TENM4: variants seen among roughly 807,000 people sequenced by gnomAD.
TENM4 encodes teneurin transmembrane protein 4.
Under a neutral mutation model 243.3 loss-of-function variants are expected in TENM4, and 82 were observed. The observed-to-expected ratio is 0.34, with a 90% CI of 0.28 to 0.40. The LOEUF is 0.40. Among genes scored for constraint, TENM4 ranks in the 10% least tolerant of loss-of-function variants. TENM4 has a pLI of 1.00. For synonymous variants in TENM4, 1,412 were observed against 1,456.3 expected (o/e 0.97, Z 0.69); for missense variants, 3,138 against 3,673.3 (o/e 0.85, Z 3.77).
chr11:79,170,261 T>C, intron 3 of TENM4, among the ~76,000 whole-genome samples: 1 of 152,210 alleles, frequency 6.6e-6, no homozygotes, highest in East Asian at 1.9e-4. Context: ...CTCTGTCACA[T>C]CAGGAGCCCA....
chr11:79,039,968 C>T (rs1859476319), intron 6 of TENM4, among the ~76,000 whole-genome samples: 1 of 151,868 alleles, frequency 6.6e-6, no homozygotes, highest in Admixed American at 6.6e-5. Flanking sequence ...TGAAAATTCA[C>T]CTATTCACTG....
At chr11:79,344,899 T>C (rs1325872629) in intron 1 of TENM4, among the ~76,000 whole-genome samples, 3 of 152,240 alleles carry the variant, frequency 2.0e-5, no homozygotes, top group African/African-American at 7.2e-5. Context: ...TTCACTCATG[T>C]TGTCACTTCT....
In TENM4 at chr11:78,701,983, C is replaced by T; in HGVS notation, c.4630G>A (p.Val1544Met). Residue 1544 changes from valine (V) to methionine (M), a missense_variant, in exon 28 of 34, where the codon GTG becomes ATG. Transcript: ENST00000278550. Reference protein sequence around the residue: ...AKLNTPSSLAVCADGELYVAD... With the variant: ...AKLNTPSSLAMCADGELYVAD... ...ACGTAGAGCTCCCCATCAGCACACACAGCCAAGGAAGATGGGGTATTTAAC... is the reference window on the plus strand; with the variant it reads ...ACGTAGAGCTCCCCATCAGCACACATAGCCAAGGAAGATGGGGTATTTAAC... 6.2e-7 allele frequency: 1 copy of T among 1,614,040 alleles called. No individual in the cohort carries two copies. Among genetic ancestry groups the T allele is most frequent in the Non-Finnish European group, 8.5e-7 (1 of 1,179,900 alleles).
intron 1 of TENM4, among the ~76,000 whole-genome samples, chr11:79,339,914 G>A (rs1857214341): frequency 6.6e-6 from 1 of 152,120 alleles, no homozygotes. Flanking sequence ...ATGTGGGGTA[G>A]GCAGACCAGG....
rs759431347 is a variant in TENM4, at chr11:78,658,395, C to G, written c.7973G>C (p.Gly2658Ala). The G allele has an allele frequency of 6.2e-7, 1 of 1,614,052 alleles. No individual in the cohort carries two copies. Among genetic ancestry groups the G allele is most frequent in the Admixed American group, 1.7e-5 (1 of 60,028 alleles). Residue 2658 changes from glycine (G) to alanine (A), a missense_variant, in exon 34 of 34, where the codon GGC (glycine) becomes GCC (alanine). Gly to Ala is a moderately conservative substitution (Grantham distance 60). This residue lies in a region of TENM4 where 2,467 missense variants were observed against 3,059.1 expected (regional missense o/e 0.81). Coordinates refer to ENST00000278550, the MANE Select transcript of TENM4 (RefSeq NM_001098816.3). ...TVSQINTVLN[G>A]RTRRYTDIQL... is the part of the protein sequence containing the mutation. ...GATGTCTGTGTAGCGTCTAGTCCTGCCATTAAGTACTGTGTTGATCTGGGA... is the reference window on the plus strand; with the variant it reads ...GATGTCTGTGTAGCGTCTAGTCCTGGCATTAAGTACTGTGTTGATCTGGGA...
In TENM4 at chr11:78,889,530, A is replaced by G. The variant is rs191237789; in HGVS notation, c.1084+255T>C. Among the ~76,000 whole-genome samples the G allele has an allele frequency of 6.8e-3, 1,042 of 152,256 alleles. 13 individuals are homozygous for G. Among genetic ancestry groups the G allele is most frequent in the African/African-American group, 0.024 (1,002 of 41,550 alleles). Reference sequence around the variant, plus strand: ...CTCACGCCTTAATACCAGGCACCCAACACACAAAAGGACAGATGCCCAGCT... The same window carrying G: ...CTCACGCCTTAATACCAGGCACCCAGCACACAAAAGGACAGATGCCCAGCT... On this transcript the variant is annotated intron_variant, in intron 9 of 33. Coordinates refer to ENST00000278550, the MANE Select transcript of TENM4 (RefSeq NM_001098816.3).
intron 9 of TENM4, among the ~76,000 whole-genome samples, chr11:78,871,574 C>A (rs1859131285): frequency 6.6e-6 from 1 of 152,222 alleles, no homozygotes; most frequent in Non-Finnish European, 1.5e-5. Flanking sequence ...AAGCCCAGTT[C>A]TTCAGACTTC....
chr11:79,054,024 T>G (rs1400874626), intron 6 of TENM4, among the ~76,000 whole-genome samples: 1 of 152,208 alleles, frequency 6.6e-6, no homozygotes, highest in Non-Finnish European at 1.5e-5. Flanking sequence ...CCTCTCCAGT[T>G]GCCTTTGTGC....
rs895575727 is a variant in TENM4 at position 78,656,249 on chromosome 11, T to G, written c.*1809A>C. ...TAAGGCTATAGAGGTGCCATGAGCT[T>G]ATCAGTCCAACAAGGTTTCCACGGG... On this transcript the variant is annotated 3_prime_UTR_variant, in exon 34 of 34. Coordinates refer to ENST00000278550, the MANE Select transcript of TENM4 (RefSeq NM_001098816.3). 6.6e-6 allele frequency: 1 copy of G among 152,220 alleles called. No homozygotes were observed. The highest frequency in any genetic ancestry group is 1.5e-5 in the Non-Finnish European group (1 of 68,054). The allele number at this position is 152,220 out of a possible 1,614,324, so 9.4% of individuals were successfully genotyped here. A position where few individuals can be genotyped will look rare whatever the true frequency, so the allele number is the denominator to read the frequency against.
chr11:78,708,965 C>CTTTTTTTT (rs1188328355), intron 26 of TENM4, among the ~76,000 whole-genome samples: 2 of 132,820 alleles, frequency 1.5e-5, no homozygotes, highest in Admixed American at 1.4e-4. Flanking sequence ...CTTTCTTTTT[C>CTTTTTTTT]TTTCTTTTTT....
At position 79,277,127 on chromosome 11, in the gene TENM4, C is replaced by T. The variant is rs1856070865; in HGVS notation, c.-265+20361G>A. Among the ~76,000 whole-genome samples the T allele has an allele frequency of 3.9e-5, 6 of 152,242 alleles. No individual in the cohort carries two copies. In the South Asian group the frequency reaches 1.2e-3, roughly 32 times the overall value. The stretch of plus-strand genomic sequence containing the variant: ...GCAAAAGACTGCAGAACACACTGAG[C>T]CAGATACAGAGAGAGCTCTGCTACC... On this transcript the variant is annotated intron_variant, in intron 2 of 33. Coordinates refer to ENST00000278550, the MANE Select transcript of TENM4 (RefSeq NM_001098816.3).
rs577673432 is a variant in TENM4, at chr11:78,757,205, C to T, written c.2540-184G>A. Among the ~76,000 whole-genome samples the T allele has an allele frequency of 2.6e-5, 4 of 152,310 alleles. No individual in the cohort carries two copies. In the East Asian group the frequency reaches 7.7e-4, roughly 29 times the overall value. ...AAGTGACTCAGATGTGGTCCTAGCT[C>T]ACTAGTCTAGAAGGAGAGATAGACA... On this transcript the variant is annotated intron_variant, in intron 18 of 33. Coordinates refer to ENST00000278550, the MANE Select transcript of TENM4 (RefSeq NM_001098816.3).
In TENM4 at chr11:79,266,407, C is replaced by T. The variant is rs528153608; in HGVS notation, c.-265+31081G>A. ...CTTTCCTGCTTCTGCTAAAAAGTAC[C>T]TTGCATCATCCTAATGCCCAGATGT... is the stretch of plus-strand genomic sequence containing the variant. On this transcript the variant is annotated intron_variant, in intron 2 of 33. Transcript: ENST00000278550. 4.6e-5 allele frequency among the ~76,000 whole-genome samples: 7 copies of T among 152,292 alleles called. No individual in the cohort carries two copies. In the South Asian group the frequency reaches 1.2e-3, roughly 27 times the overall value.
At chr11:79,291,454 G>C (rs572333090) in intron 2 of TENM4, among the ~76,000 whole-genome samples, 5 of 152,292 alleles carry the variant, frequency 3.3e-5, no homozygotes, top group African/African-American at 1.2e-4. Context: ...TCATGGGGGG[G>C]TGTGCCAGCC....
rs184051671 is a variant in TENM4, at chr11:79,382,169, C to T, written c.-321+58340G>A. ...GACACACAGCTCATTAGGGGGAGGG[C>T]CAAGATTCAAATGTAACTCGTCTGG... On this transcript the variant is annotated intron_variant, in intron 1 of 33. Transcript: ENST00000278550. Among the ~76,000 whole-genome samples the T allele has an allele frequency of 3.3e-3, 496 of 152,242 alleles. 2 individuals are homozygous for T. Among genetic ancestry groups the T allele is most frequent in the Admixed American group, 5.4e-3 (83 of 15,298 alleles).
intron 18 of TENM4, among the ~76,000 whole-genome samples, chr11:78,765,754 A>G (rs1171825864): frequency 6.6e-6 from 1 of 152,138 alleles, no homozygotes; most frequent in Non-Finnish European, 1.5e-5. Flanking sequence ...GTGCCTTGCA[A>G]CTTTGTTGTA....
At chr11:79,411,595 G>A (rs575613896) in intron 1 of TENM4, among the ~76,000 whole-genome samples, 1 of 152,130 alleles carries the variant, frequency 6.6e-6, no homozygotes, top group Non-Finnish European at 1.5e-5. Context: ...CATCTTCTTG[G>A]TGCTCTTCTG....
chr11:78,845,471 C>T (rs529338774), intron 12 of TENM4, among the ~76,000 whole-genome samples: 2 of 152,306 alleles, frequency 1.3e-5, no homozygotes, highest in East Asian at 1.9e-4. Context: ...GTCCTTTCCT[C>T]GGACCACACC....
rs117327397 is a variant in TENM4 at position 78,693,121 on chromosome 11, A to G, written c.5088-4895T>C. On this transcript the variant is annotated intron_variant, in intron 28 of 33. Transcript: ENST00000278550. ...ACTTAATGAATAAATATATAAGTAA[A>G]TAATAGATATTATTGTTGATTCAAG... Among the ~76,000 whole-genome samples, 210 of 152,360 alleles carry G rather than the reference A, an allele frequency of 1.4e-3. 1 individual carries two copies. Among genetic ancestry groups the G allele is most frequent in the Admixed American group, 3.3e-3 (51 of 15,310 alleles).
Sources: gnomAD v4.1 joint callset for allele counts (sites outside exome capture counted in the v4.1 genomes callset) on GRCh38, gnomAD v4.1.1 for gene constraint, gnomAD v4.1.1 regional missense constraint, MANE v1.5 for transcripts, NCBI Gene and HGNC (gene_info 2026-07-23, HGNC 2026-07-21) for gene names.